The following JHY variants were observed in gnomAD, a reference collection of about 807,000 sequenced individuals.
The protein encoded by JHY is jhy protein homolog.
A neutral mutation model predicts 78.0 loss-of-function variants in JHY; 69 were observed. The ratio of observed to expected loss-of-function variants is 0.88; its 90% CI spans 0.73 to 1.08. JHY has a LOEUF of 1.08. Ranked by LOEUF, JHY falls within the 50% of genes least tolerant of loss-of-function variation. JHY has a pLI of 0.00. For synonymous variants in JHY, 368 were observed against 342.6 expected, an observed-to-expected ratio of 1.07 and a Z score of -0.82; for missense variants, 944 against 927.8, an observed-to-expected ratio of 1.02 and a Z score of -0.23.
intron 2 of JHY, among the ~76,000 whole-genome samples, chr11:122,897,131 A>C (rs1013690131): frequency 1.3e-5 from 2 of 152,212 alleles, no homozygotes; most frequent in Non-Finnish European, 2.9e-5. Flanking sequence ...CTGGGATTAC[A>C]GGCGTGAGCC....
At chr11:122,884,954 C>T (rs2135274211) in intron 1 of JHY, among the ~76,000 whole-genome samples, 1 of 151,502 alleles carries the variant, frequency 6.6e-6, no homozygotes, top group East Asian at 1.9e-4. Context: ...CCCATCCCAC[C>T]ATGCCCACTA....
chr11:122,890,057 GT>G (rs34251446), intron 2 of JHY, among the ~76,000 whole-genome samples: 24,529 of 148,438 alleles, frequency 0.17, 2,677 homozygotes, highest in African/African-American at 0.31. Context: ...CCAGTTTCTT[GT>G]TTTTTTTTTT....
chr11:122,959,359 G>C lies in JHY; in HGVS notation c.2251G>C (p.Glu751Gln). Residue 751 changes from glutamate (E) to glutamine (Q), a missense_variant, in exon 9 of 9, where the codon GAA becomes CAA. Glu to Gln is a conservative substitution (Grantham distance 29). Coordinates refer to ENST00000227349, the MANE Select transcript of JHY (RefSeq NM_024806.4). ...TYAGKEESLP[E>Q]ISLLEILQNR... ...TGCTGGGAAAGAAGAAAGTTTACCT[G>C]AAATCTCACTGCTGGAAATACTGCA... 2 of 1,614,134 alleles carry C rather than the reference G, an allele frequency of 1.2e-6. No individual in the cohort carries two copies. Among genetic ancestry groups the C allele is most frequent in the Non-Finnish European group, 1.7e-6 (2 of 1,180,010 alleles).
chr11:122,958,042 A>G (rs908944411), intron 8 of JHY, among the ~76,000 whole-genome samples: 2 of 152,204 alleles, frequency 1.3e-5, no homozygotes, highest in African/African-American at 2.4e-5. Flanking sequence ...AAGAAAAGAC[A>G]TATAAACACT....
chr11:122,892,604 G>A (rs573471620), intron 2 of JHY, among the ~76,000 whole-genome samples: 1 of 152,246 alleles, frequency 6.6e-6, no homozygotes, highest in South Asian at 2.1e-4. Context: ...TTACAGGCAT[G>A]AGCCACCGCG....
At chr11:122,956,656 C>T in intron 7 of JHY, 80 bp downstream of exon 7, 1 of 1,141,286 alleles carries the variant, frequency 8.8e-7, no homozygotes, top group African/African-American at 1.5e-5. Flanking sequence ...AGACGCCCCC[C>T]AGAATTAAAC....
At chr11:122,914,206 A>G (rs1372360130) in intron 3 of JHY, among the ~76,000 whole-genome samples, 1 of 152,170 alleles carries the variant, frequency 6.6e-6, no homozygotes, top group African/African-American at 2.4e-5. Flanking sequence ...TATATTTATT[A>G]TTGAATGTTT....
intron 3 of JHY, among the ~76,000 whole-genome samples, chr11:122,915,711 ACC>A (rs1863220419): frequency 6.6e-6 from 1 of 151,988 alleles, no homozygotes; most frequent in Non-Finnish European, 1.5e-5. Context: ...CAGGGGTTTC[ACC>A]ATGTTGGCCA....
chr11:122,930,206 G>A lies in JHY; in HGVS notation c.979-4214G>A, dbSNP rs182952163. Among the ~76,000 whole-genome samples the A allele has an allele frequency of 2.2e-3, 342 of 152,160 alleles. 1 individual carries two copies. Among genetic ancestry groups the A allele is most frequent in the South Asian group, 4.6e-3 (22 of 4,824 alleles). On this transcript the variant is annotated intron_variant, in intron 4 of 8. Coordinates refer to ENST00000227349, the MANE Select transcript of JHY (RefSeq NM_024806.4). ...AGCGATTCTCCTGCCTCAGCATCCC[G>A]AGTAGCTGGGATTACAGGTGCAGGC...
At chr11:122,916,636 TTTG>T (rs1000297306) in intron 3 of JHY, among the ~76,000 whole-genome samples, 9 of 152,128 alleles carry the variant, frequency 5.9e-5, no homozygotes, top group East Asian at 1.9e-4. Flanking sequence ...TTGTTTGTTT[TTTG>T]TTGTTGTTGT....
intron 3 of JHY, among the ~76,000 whole-genome samples, chr11:122,911,905 C>CAAAAAAAAAAAAAAA (rs59941995): frequency 6.0e-5 from 3 of 49,722 alleles, no homozygotes; most frequent in African/African-American, 1.6e-4. Flanking sequence ...AACTCTGTCT[C>CAAAAAAAAAAAAAAA]AAAAAAAAAA....
intron 8 of JHY, chr11:122,958,645 G>C (rs563167981): frequency 4.9e-6 from 4 of 821,868 alleles, no homozygotes; most frequent in Non-Finnish European, 5.9e-6. Context: ...ATAAAGGCAG[G>C]TTTAGGAATC....
At chr11:122,900,974 C>A (rs1237032071) in intron 2 of JHY, among the ~76,000 whole-genome samples, 1 of 152,164 alleles carries the variant, frequency 6.6e-6, no homozygotes, top group African/African-American at 2.4e-5. Context: ...TCTTTCTAAA[C>A]AGCAGATGTC....
Position 122,935,178 on chromosome 11 carries a change from A to C in JHY, c.1634+103A>C. ...GGGAAGGGGAATCCATAAGGTGGCT[A>C]GGTGAGAAGAAGAGTTCACCTAACA... On this transcript the variant is annotated intron_variant, in intron 5 of 8. Coordinates refer to ENST00000227349, the MANE Select transcript of JHY (RefSeq NM_024806.4). The surrounding 1 kb of genome is among the most constrained non-coding windows in gnomAD (Gnocchi z 4.5). 1 of 1,083,352 alleles carries C rather than the reference A, an allele frequency of 9.2e-7. No homozygotes were observed. The highest frequency in any genetic ancestry group is 1.3e-6 in the Non-Finnish European group (1 of 772,546). 67.1% of individuals were successfully genotyped at this position (1,083,352 alleles called of 1,614,324 possible).
At chr11:122,950,720 T>C (rs1016967679) in intron 6 of JHY, among the ~76,000 whole-genome samples, 1 of 152,248 alleles carries the variant, frequency 6.6e-6, no homozygotes, top group African/African-American at 2.4e-5. Context: ...TTCCTTTTCC[T>C]TTCCCCTTCT....
intron 3 of JHY, among the ~76,000 whole-genome samples, chr11:122,916,885 C>T (rs1863245227): frequency 6.6e-6 from 1 of 152,162 alleles, no homozygotes; most frequent in African/African-American, 2.4e-5. Context: ...CCACGTCAGC[C>T]TCCCAAAGTG....
Position 122,959,507 on chromosome 11 carries a change from C to A in JHY, c.*62C>A. 2 of 1,440,788 alleles carry A rather than the reference C, an allele frequency of 1.4e-6. No individual in the cohort carries two copies. The highest frequency in any genetic ancestry group is 1.9e-6 in the Non-Finnish European group (2 of 1,035,324). 89.3% of individuals were successfully genotyped at this position (1,440,788 alleles called of 1,614,324 possible). On this transcript the variant is annotated 3_prime_UTR_variant, in exon 9 of 9. Transcript: ENST00000227349. ...GGAATGAACGTGGAGAAAAGAAACG[C>A]CAACCACCTTCTCTGCGTTGAGAGT...
intron 3 of JHY, among the ~76,000 whole-genome samples, chr11:122,922,491 TG>T (rs779109206): frequency 1.7e-4 from 26 of 152,268 alleles, no homozygotes; most frequent in Non-Finnish European, 2.6e-4. Flanking sequence ...TCTTTCTTAT[TG>T]AATACAAGTC....
chr11:122,958,260 C>T (rs1411205751), intron 8 of JHY, among the ~76,000 whole-genome samples: 6 of 152,162 alleles, frequency 3.9e-5, no homozygotes, highest in South Asian at 2.1e-4. Context: ...TGTAAGGACA[C>T]GGGACCCTTT....
Sources: gnomAD v4.1 joint callset for allele counts (sites outside exome capture counted in the v4.1 genomes callset) on GRCh38, gnomAD v4.1.1 for gene constraint, Gnocchi (gnomAD v3.1) non-coding constraint, MANE v1.5 for transcripts, NCBI Gene and HGNC (gene_info 2026-07-23, HGNC 2026-07-21) for gene names.